Variants in DIS3L2 observed in about 807,000 individuals in gnomAD.
The protein encoded by DIS3L2 is DIS3 like 3'-5' exoribonuclease 2.
DIS3L2 carries 34 observed loss-of-function variants against 97.5 expected under a neutral mutation model. That is an observed-to-expected ratio of 0.35 (90% CI 0.27 to 0.46). The LOEUF is 0.46. DIS3L2 is among the 20% of genes least tolerant of loss of function. The pLI is 1.00. For synonymous variants in DIS3L2, 435 were observed against 445.2 expected (o/e 0.98, Z 0.29); for missense variants, 1,038 against 1,146.0 (o/e 0.91, Z 1.36).
At chr2:232,080,913 A>AAAAG (rs1696369682) in intron 5 of DIS3L2, among the ~76,000 whole-genome samples, 1 of 152,098 alleles carries the variant, frequency 6.6e-6, no homozygotes, top group African/African-American at 2.4e-5. Context: ...AAAAAAAAAA[A>AAAAG]AAAAAATACA....
chr2:232,230,490 G>A (rs1440099567), intron 10 of DIS3L2, among the ~76,000 whole-genome samples: 3 of 152,166 alleles, frequency 2.0e-5, no homozygotes, highest in East Asian at 1.9e-4. Context: ...CTGGCCACAG[G>A]GTCAAGAGGG....
At position 232,077,955 on chromosome 2, in the gene DIS3L2, C is replaced by CTTTCTTTCTTTCTT. The variant is rs1553605268; in HGVS notation, c.367-9531_367-9530insTTCTTTCTTTCTTT. ...TTTCTTTCTTTCTTTTTCTTTCTTT[C>CTTTCTTTCTTTCTT]TCTTTCTTTCTTTCTTTCTTTCTTT... On this transcript the variant is annotated intron_variant, in intron 5 of 20. Coordinates refer to ENST00000325385, the MANE Select transcript of DIS3L2 (RefSeq NM_152383.5). Among the ~76,000 whole-genome samples the CTTTCTTTCTTTCTT allele has an allele frequency of 8.3e-5, 9 of 108,810 alleles. No homozygotes were observed. The South Asian group carries it at 1.4e-3, about 17-fold the overall frequency. 71.4% of individuals were successfully genotyped at this position (108,810 alleles called of 152,430 possible).
chr2:232,342,486 C>T (rs1696134142), intron 13 of DIS3L2, among the ~76,000 whole-genome samples: 1 of 152,090 alleles, frequency 6.6e-6, no homozygotes, highest in Non-Finnish European at 1.5e-5. Flanking sequence ...ATACTTTAAA[C>T]TACATTCACA....
intron 10 of DIS3L2, 24 bp from the exon 11 acceptor site, chr2:232,238,509 A>T: frequency 6.2e-7 from 1 of 1,601,224 alleles, no homozygotes; most frequent in Non-Finnish European, 8.6e-7. Context: ...CGCCAGCCTG[A>T]TAGTCCTTCT....
intron 6 of DIS3L2, among the ~76,000 whole-genome samples, chr2:232,103,619 A>G (rs1368641311): frequency 6.6e-6 from 1 of 152,162 alleles, no homozygotes; most frequent in Admixed American, 6.5e-5. Flanking sequence ...TGATTTTTGG[A>G]TTTACAATAA....
intron 14 of DIS3L2, 28 bp from the exon 15 acceptor site, chr2:232,329,785 T>TGCCCGGGGGCCC: frequency 1.6e-5 from 15 of 967,132 alleles, no homozygotes; most frequent in East Asian, 3.1e-5. Flanking sequence ...ACCCCAGCGG[T>TGCCCGGGGGCCC]CCCTCCCATC....
chr2:232,335,618 G>A, intron 19 of DIS3L2, 155 bp from the exon 20 acceptor site: 1 of 769,606 alleles, frequency 1.3e-6, no homozygotes, highest in South Asian at 1.8e-5. Flanking sequence ...GCTGAAGGTG[G>A]CCTGGCAGGG....
At position 232,014,969 on chromosome 2, in the gene DIS3L2, G is replaced by A. The variant is rs2106220790; in HGVS notation, c.42G>A (p.Gly14=). Residue 14 remains glycine, a synonymous_variant, in exon 2 of 21, where the codon GGG becomes GGA. Transcript: ENST00000325385. ...PDYRMNLRPL[G]TPRGVSAVAG... ...ACAGAATGAACCTCCGGCCCCTGGG[G>A]ACCCCCAGAGGTAGTAAAAGGAAAA... 1 of 1,613,994 alleles carries A rather than the reference G, an allele frequency of 6.2e-7. No individual in the cohort carries two copies. Among genetic ancestry groups the A allele is most frequent in the Non-Finnish European group, 8.5e-7 (1 of 1,179,944 alleles).
At chr2:232,310,165 A>T (rs1186307294) in intron 14 of DIS3L2, among the ~76,000 whole-genome samples, 2 of 152,222 alleles carry the variant, frequency 1.3e-5, no homozygotes, top group African/African-American at 4.8e-5. Flanking sequence ...AGACACTGCC[A>T]GGTTAGCTTG....
At chr2:232,162,645 A>C (rs35324766) in intron 8 of DIS3L2, among the ~76,000 whole-genome samples, 1,692 of 152,374 alleles carry the variant, frequency 0.011, 15 homozygotes, top group South Asian at 0.035. Context: ...AGACTTGTAC[A>C]ACAGAGGAGA....
chr2:232,062,043 C>G (rs1170073303), intron 5 of DIS3L2, among the ~76,000 whole-genome samples: 1 of 150,170 alleles, frequency 6.7e-6, no homozygotes, highest in African/African-American at 2.4e-5. Context: ...ATTACTTATT[C>G]AGAGATCATA....
intron 13 of DIS3L2, among the ~76,000 whole-genome samples, chr2:232,298,829 C>G (rs558305969): frequency 2.0e-5 from 3 of 152,222 alleles, no homozygotes; most frequent in Non-Finnish European, 4.4e-5. Context: ...CCAACTGGCT[C>G]TAGCAGGGCA....
intron 9 of DIS3L2, among the ~76,000 whole-genome samples, chr2:232,164,132 T>C (rs908804937): frequency 2.0e-5 from 3 of 152,188 alleles, no homozygotes; most frequent in African/African-American, 7.2e-5. Context: ...AGTGCCTATC[T>C]TCTCATTGCC....
At chr2:232,087,367 T>C in intron 5 of DIS3L2, 120 bp from the exon 6 acceptor site, 1 of 698,818 alleles carries the variant, frequency 1.4e-6, no homozygotes, top group South Asian at 2.0e-5. Flanking sequence ...TTGAACTACA[T>C]GATTAGTGTC....
At chr2:232,039,833 C>T (rs951552338) in intron 5 of DIS3L2, among the ~76,000 whole-genome samples, 1 of 152,134 alleles carries the variant, frequency 6.6e-6, no homozygotes, top group African/African-American at 2.4e-5. Context: ...TATCCTTTTC[C>T]TCAGATTTTC....
rs139563037 is a variant in DIS3L2 at position 232,263,863 on chromosome 2, G to A, written c.1659+423G>A. 1.0e-3 allele frequency among the ~76,000 whole-genome samples: 154 copies of A among 152,204 alleles called. 1 individual carries two copies. The highest frequency in any genetic ancestry group is 3.4e-3 in the African/African-American group (141 of 41,528). ...GAGGCAGCTGACCAGTATCTGATACGAAGGCTTGGAAAAAAAGTATTTCTT... is the reference window on the plus strand; with the variant it reads ...GAGGCAGCTGACCAGTATCTGATACAAAGGCTTGGAAAAAAAGTATTTCTT... On this transcript the variant is annotated intron_variant, in intron 13 of 20. Transcript: ENST00000325385.
chr2:231,982,142 AATAG>A (rs886595761), intron 1 of DIS3L2, among the ~76,000 whole-genome samples: 51 of 152,224 alleles, frequency 3.4e-4, no homozygotes, highest in African/African-American at 1.1e-3. Context: ...AGTTATATTT[AATAG>A]ATAGACTCTT....
chr2:232,037,498 G>C lies in DIS3L2; in HGVS notation c.366+7418G>C, dbSNP rs189799574. On this transcript the variant is annotated intron_variant, in intron 5 of 20. Coordinates refer to ENST00000325385, the MANE Select transcript of DIS3L2 (RefSeq NM_152383.5). The surrounding 1 kb of genome is among the most constrained non-coding windows in gnomAD (Gnocchi z 4.6). Reference sequence around the variant, plus strand: ...CATGAGGGTGGGATCCGCTGAGCTAGACCACTTGGCTCTCTGGCTTCAACC... The same window carrying C: ...CATGAGGGTGGGATCCGCTGAGCTACACCACTTGGCTCTCTGGCTTCAACC... Among the ~76,000 whole-genome samples the C allele has an allele frequency of 7.2e-5, 11 of 152,310 alleles. No homozygotes were observed. The East Asian group carries it at 1.5e-3, about 21-fold the overall frequency.
chr2:232,280,808 G>A (rs116514592), intron 13 of DIS3L2, among the ~76,000 whole-genome samples: 2,184 of 152,292 alleles, frequency 0.014, 23 homozygotes, highest in Middle Eastern at 0.031. Flanking sequence ...CTGTATCACC[G>A]CAAGAGAGAT....
Sources: gnomAD v4.1 joint callset for allele counts (sites outside exome capture counted in the v4.1 genomes callset) on GRCh38, gnomAD v4.1.1 for gene constraint, Gnocchi (gnomAD v3.1) non-coding constraint, MANE v1.5 for transcripts, NCBI Gene and HGNC (gene_info 2026-07-23, HGNC 2026-07-21) for gene names.